Variants in PRELID2 observed in about 807,000 individuals in gnomAD.
PRELID2 encodes the protein PRELI domain-containing protein 2.
Under a neutral mutation model 28.4 loss-of-function variants are expected in PRELID2, and 25 were observed. The observed-to-expected ratio is 0.88, with a 90% CI of 0.64 to 1.23. The LOEUF (loss-of-function observed/expected upper bound fraction) is 1.23. PRELID2 is among the 50% of genes most tolerant of loss of function. The pLI, the probability that PRELID2 is intolerant of heterozygous loss-of-function variation, is 0.00. For missense variants in PRELID2, 201 were observed against 214.4 expected, an observed-to-expected ratio of 0.94 and a Z score of 0.39; for synonymous variants, 76 against 71.6, an observed-to-expected ratio of 1.06 and a Z score of -0.31.
chr5:145,373,934 C>T, the PRELID2 span, among the ~76,000 whole-genome samples: 4 of 135,468 alleles, frequency 3.0e-5, no homozygotes, highest in Non-Finnish European at 4.6e-5. Context: ...TATATTATAA[C>T]ATAATATATA....
intron 1 of PRELID2, among the ~76,000 whole-genome samples, chr5:145,741,399 T>C (rs1259769889): frequency 9.5e-6 from 1 of 105,310 alleles, no homozygotes; most frequent in Non-Finnish European, 1.7e-5. Context: ...TATTTATATA[T>C]AAACAAAATT....
chr5:145,677,791 G>T (rs1754849708), intron 1 of PRELID2, among the ~76,000 whole-genome samples: 1 of 152,130 alleles, frequency 6.6e-6, no homozygotes, highest in African/African-American at 2.4e-5. Flanking sequence ...GAATTTTGGG[G>T]TCAGCAACTG....
At chr5:145,675,833 G>C (rs1754802242) in intron 1 of PRELID2, among the ~76,000 whole-genome samples, 1 of 152,110 alleles carries the variant, frequency 6.6e-6, no homozygotes, top group Non-Finnish European at 1.5e-5. Flanking sequence ...ACACAATGAA[G>C]AACTACACAA....
chr5:145,606,697 G>A (rs1223651881), intron 1 of PRELID2, among the ~76,000 whole-genome samples: 1 of 152,106 alleles, frequency 6.6e-6, no homozygotes, highest in East Asian at 1.9e-4. Flanking sequence ...TTGCATCGAT[G>A]TTCATCAAGG....
chr5:145,257,592 T>C, the PRELID2 span, among the ~76,000 whole-genome samples: 1 of 152,120 alleles, frequency 6.6e-6, no homozygotes, highest in Non-Finnish European at 1.5e-5. Flanking sequence ...ACTAATGATG[T>C]TCATAAGAAT....
At chr5:145,503,887 A>G (rs1752382115) in intron 1 of PRELID2, among the ~76,000 whole-genome samples, 1 of 152,172 alleles carries the variant, frequency 6.6e-6, no homozygotes, top group South Asian at 2.1e-4. Context: ...CTGGAAAGCT[A>G]TTTGATGCTT....
the PRELID2 span, among the ~76,000 whole-genome samples, chr5:145,251,711 G>T: frequency 1.3e-5 from 2 of 152,056 alleles, no homozygotes; most frequent in Non-Finnish European, 2.9e-5. Context: ...CCTAGTTTTG[G>T]TTATGGACAT....
chr5:145,544,903 G>A (rs1197207586), intron 1 of PRELID2, among the ~76,000 whole-genome samples: 1 of 152,232 alleles, frequency 6.6e-6, no homozygotes, highest in African/African-American at 2.4e-5. Context: ...TTTAATGAAT[G>A]TGACAAAGTA....
At chr5:145,369,358 G>C in the PRELID2 span, among the ~76,000 whole-genome samples, 1 of 151,934 alleles carries the variant, frequency 6.6e-6, no homozygotes, top group Non-Finnish European at 1.5e-5. Flanking sequence ...CCACTTATGA[G>C]TGAGACCATG....
chr5:145,417,194 C>T, the PRELID2 span, among the ~76,000 whole-genome samples: 1 of 151,962 alleles, frequency 6.6e-6, no homozygotes, highest in African/African-American at 2.4e-5. Context: ...CAAGTCTGAA[C>T]CAGGAAGAAA....
the PRELID2 span, among the ~76,000 whole-genome samples, chr5:145,357,465 G>T: frequency 1.3e-5 from 2 of 152,004 alleles, no homozygotes; most frequent in East Asian, 3.9e-4. Context: ...ATTTTTGCCT[G>T]CCTGACTTAT....
At chr5:145,329,410 G>A in the PRELID2 span, among the ~76,000 whole-genome samples, 1 of 152,166 alleles carries the variant, frequency 6.6e-6, no homozygotes, top group African/African-American at 2.4e-5. Context: ...TCCTATCCAT[G>A]AGCATGGAAT....
chr5:145,679,362 T>C (rs1349069247), intron 1 of PRELID2, among the ~76,000 whole-genome samples: 2 of 152,226 alleles, frequency 1.3e-5, no homozygotes, highest in African/African-American at 4.8e-5. Flanking sequence ...AAAGTTGAGA[T>C]GTCATTGAGT....
intron 1 of PRELID2, among the ~76,000 whole-genome samples, chr5:145,601,519 G>C (rs1056933672): frequency 6.6e-6 from 1 of 152,122 alleles, no homozygotes; most frequent in South Asian, 2.1e-4. Flanking sequence ...TAGATAATTC[G>C]GACTAACTCT....
chr5:145,532,355 C>CA (rs1164453572), intron 1 of PRELID2, among the ~76,000 whole-genome samples: 15 of 151,940 alleles, frequency 9.9e-5, no homozygotes, highest in Non-Finnish European at 5.9e-5. Context: ...ACAATTGACA[C>CA]AAAAATTGTA....
At chr5:145,587,746 C>T (rs56361925) in intron 1 of PRELID2, among the ~76,000 whole-genome samples, 5,309 of 152,226 alleles carry the variant, frequency 0.035, 285 homozygotes, top group African/African-American at 0.12. Flanking sequence ...TCAGCTGCAA[C>T]CAAACTGTAA....
At chr5:145,340,072 C>G in the PRELID2 span, among the ~76,000 whole-genome samples, 3 of 152,174 alleles carry the variant, frequency 2.0e-5, no homozygotes, top group Non-Finnish European at 4.4e-5. Context: ...TCCACCTCTT[C>G]CTACCATAGC....
At chr5:145,783,493 C>A (rs1751769719) in intron 5 of PRELID2, among the ~76,000 whole-genome samples, 1 of 152,146 alleles carries the variant, frequency 6.6e-6, no homozygotes, top group Non-Finnish European at 1.5e-5. Context: ...CTATGATATA[C>A]CTGGTCTAGA....
At chr5:145,430,194 A>G in the PRELID2 span, among the ~76,000 whole-genome samples, 1 of 152,278 alleles carries the variant, frequency 6.6e-6, no homozygotes, top group South Asian at 2.1e-4. Flanking sequence ...TTTCAAATAT[A>G]CCATCCTCCA....
Sources: gnomAD v4.1 joint callset for allele counts (sites outside exome capture counted in the v4.1 genomes callset) on GRCh38, gnomAD v4.1.1 for gene constraint, MANE v1.5 for transcripts, NCBI Gene and HGNC (gene_info 2026-07-23, HGNC 2026-07-21) for gene names.